RNF43: variants seen among roughly 807,000 people sequenced by gnomAD.
RNF43 encodes the protein ring finger protein 43.
A neutral mutation model predicts 78.4 loss-of-function variants in RNF43; 37 were observed. The observed-to-expected ratio is 0.47, with a 90% CI of 0.36 to 0.62. The LOEUF (loss-of-function observed/expected upper bound fraction) is 0.62. RNF43 is among the 20% of genes least tolerant of loss of function. RNF43 has a pLI of 0.00. For missense variants in RNF43, 774 were observed against 1,007.9 expected (o/e 0.77, Z 3.14); for synonymous variants, 347 against 395.0 (o/e 0.88, Z 1.44).
chr17:58,380,154 G>A (rs1366850955), intron 2 of RNF43, among the ~76,000 whole-genome samples: 1 of 152,164 alleles, frequency 6.6e-6, no homozygotes, highest in African/African-American at 2.4e-5. Context: ...TTAGTTCTGG[G>A]AAGTCAGCTG....
chr17:58,390,150 G>C (rs756517774), intron 2 of RNF43, among the ~76,000 whole-genome samples: 2 of 152,096 alleles, frequency 1.3e-5, no homozygotes, highest in Non-Finnish European at 2.9e-5. Context: ...TGGAAGGTGG[G>C]AACGAGACAA....
intron 2 of RNF43, among the ~76,000 whole-genome samples, chr17:58,403,971 G>A (rs148441980): frequency 6.6e-6 from 1 of 152,308 alleles, no homozygotes; most frequent in African/African-American, 2.4e-5. Context: ...TGAAGTCAGT[G>A]TGCTCTGATC....
chr17:58,415,676 A>G lies in RNF43; in HGVS notation c.-99T>C. The G allele has an allele frequency of 7.2e-7, 1 of 1,387,122 alleles. No homozygotes were observed. The highest frequency in any genetic ancestry group is 9.8e-7 in the Non-Finnish European group (1 of 1,023,670). The allele number at this position is 1,387,122 out of a possible 1,614,324, so 85.9% of individuals were successfully genotyped here. On this transcript the variant is annotated 5_prime_UTR_variant, in exon 2 of 10. The change abolishes an upstream ATG in the 5' untranslated region. Coordinates refer to ENST00000407977, the MANE Select transcript of RNF43 (RefSeq NM_017763.6). ...ATCCAGACAAATGGAGGAAAAGAAC[A>G]TTTATGCTTCCGTTTCAGAAAGCCA...
Position 58,417,517 on chromosome 17 carries a change from A to G in RNF43, c.-886T>C, listed in dbSNP as rs925480617. On this transcript the variant is annotated 5_prime_UTR_variant, in exon 1 of 10. Transcript: ENST00000407977. The stretch of plus-strand genomic sequence containing the variant: ...TCCGAGTGCTTCCTTTCAGAAAGAC[A>G]ATTCTGGATCAACTCCCTAGAGCAG... 1 of 152,210 alleles carries G rather than the reference A, an allele frequency of 6.6e-6. No homozygotes were observed. Among genetic ancestry groups the G allele is most frequent in the Non-Finnish European group, 1.5e-5 (1 of 68,040 alleles). The allele number at this position is 152,210 out of a possible 1,614,324, so 9.4% of individuals were successfully genotyped here. A position where few individuals can be genotyped will look rare whatever the true frequency, so the allele number is the denominator to read the frequency against.
intron 6 of RNF43, among the ~76,000 whole-genome samples, chr17:58,362,034 C>T (rs2143454964): frequency 6.6e-6 from 1 of 151,880 alleles, no homozygotes; most frequent in South Asian, 2.1e-4. Flanking sequence ...TGCAGTGAGC[C>T]GAGATCACGC....
At chr17:58,409,962 A>G (rs2143676307) in intron 2 of RNF43, among the ~76,000 whole-genome samples, 1 of 152,256 alleles carries the variant, frequency 6.6e-6, no homozygotes, top group South Asian at 2.1e-4. Flanking sequence ...ACATATATAC[A>G]TACACACTTT....
intron 2 of RNF43, among the ~76,000 whole-genome samples, chr17:58,396,358 GC>G (rs796413581): frequency 5.9e-5 from 9 of 152,258 alleles, no homozygotes; most frequent in African/African-American, 2.2e-4. Flanking sequence ...GGAGAGATGA[GC>G]ACGCAACCAT....
chr17:58,352,825 T>C (rs1972587774), downstream of RNF43: 1 of 219,576 alleles, frequency 4.6e-6, no homozygotes, highest in African/African-American at 2.2e-5. Context: ...TCTTAGCGCT[T>C]AGACACGGTT....
At chr17:58,373,108 G>A (rs1208557564) in intron 2 of RNF43, among the ~76,000 whole-genome samples, 1 of 152,192 alleles carries the variant, frequency 6.6e-6, no homozygotes, top group Non-Finnish European at 1.5e-5. Flanking sequence ...CCTGAGGAAG[G>A]ACAAATCGCA....
intron 8 of RNF43, among the ~76,000 whole-genome samples, chr17:58,359,699 G>A (rs1170204929): frequency 6.6e-6 from 1 of 151,998 alleles, no homozygotes; most frequent in African/African-American, 2.4e-5. Flanking sequence ...GGCCAAGGTA[G>A]GCAGATCACC....
chr17:58,380,765 G>A (rs1057082665), intron 2 of RNF43, among the ~76,000 whole-genome samples: 3 of 152,298 alleles, frequency 2.0e-5, no homozygotes, highest in African/African-American at 4.8e-5. Flanking sequence ...GCAAGAGTGC[G>A]AAATAGCTTC....
At chr17:58,375,889 AG>A (rs1405410250) in intron 2 of RNF43, among the ~76,000 whole-genome samples, 9 of 152,204 alleles carry the variant, frequency 5.9e-5, no homozygotes, top group Non-Finnish European at 2.9e-5. Flanking sequence ...ATTTGCCAAA[AG>A]CAAATGTTGT....
rs61746279 is a variant in RNF43 at position 58,357,496 on chromosome 17, C to G, written c.2280G>C (p.Pro760=). Residue 760 remains proline (P), a synonymous_variant, in exon 9 of 10, where the codon CCG becomes CCC. Transcript: ENST00000407977. This position sits in a 1 kb window ranked among gnomAD's most constrained non-coding sequence, Gnocchi z 4.5. ...DTAEGRPCPY[P]HCQVLSAQPG... ...GCTGGGCCGACAGCACCTGGCAGTG[C>G]GGATAAGGGCATGGCCTGCCCTCTG... 6.2e-7 allele frequency: 1 copy of G among 1,614,212 alleles called. No homozygotes were observed. Among genetic ancestry groups the G allele is most frequent in the Non-Finnish European group, 8.5e-7 (1 of 1,180,044 alleles).
At chr17:58,414,154 C>T (rs1974080386) in intron 2 of RNF43, among the ~76,000 whole-genome samples, 2 of 152,198 alleles carry the variant, frequency 1.3e-5, no homozygotes, top group Admixed American at 1.3e-4. Context: ...TTCTCCTTCA[C>T]TTCATTTATC....
In RNF43 at chr17:58,357,180, C is replaced by T. The variant is rs1445479099; in HGVS notation, c.2308+288G>A. 8.6e-6 allele frequency: 6 copies of T among 701,524 alleles called. No individual in the cohort carries two copies. In the African/African-American group the frequency reaches 1.0e-4, roughly 12 times the overall value. 43.5% of individuals were successfully genotyped at this position (701,524 alleles called of 1,614,324 possible). A position where few individuals can be genotyped will look rare whatever the true frequency, so the allele number is the denominator to read the frequency against. ...AAGTTCTGGGATTACAGGCATGAGC[C>T]ATCACACCCGGCCTTCCAAGTGCCT... is the stretch of plus-strand genomic sequence containing the variant. On this transcript the variant is annotated intron_variant, in intron 9 of 9. Coordinates refer to ENST00000407977, the MANE Select transcript of RNF43 (RefSeq NM_017763.6). This position sits in a 1 kb window ranked among gnomAD's most constrained non-coding sequence, Gnocchi z 4.5.
At chr17:58,390,241 G>A (rs1375709803) in intron 2 of RNF43, among the ~76,000 whole-genome samples, 1 of 152,170 alleles carries the variant, frequency 6.6e-6, no homozygotes, top group African/African-American at 2.4e-5. Flanking sequence ...AAAGAAAACA[G>A]AAGGCATGAG....
intron 2 of RNF43, among the ~76,000 whole-genome samples, chr17:58,397,668 A>G (rs1337700959): frequency 6.6e-6 from 1 of 152,080 alleles, no homozygotes; most frequent in South Asian, 2.1e-4. Flanking sequence ...CGTCTCAAAA[A>G]AAAAAAAAAA....
Position 58,358,858 on chromosome 17 carries a change from T to G in RNF43, c.953-35A>C. The G allele has an allele frequency of 6.9e-7, 1 of 1,453,642 alleles. No individual in the cohort carries two copies. Among genetic ancestry groups the G allele is most frequent in the Non-Finnish European group, 9.0e-7 (1 of 1,106,296 alleles). The allele number at this position is 1,453,642 out of a possible 1,614,324, so 90.0% of individuals were successfully genotyped here. A position where few individuals can be genotyped will look rare whatever the true frequency, so the allele number is the denominator to read the frequency against. ...AGAACCAAGAGCACAGATGTTTAAC[T>G]CTACAAACCTACAGAGAATGCATTC... On this transcript the variant is annotated intron_variant, in intron 8 of 9. Coordinates refer to ENST00000407977, the MANE Select transcript of RNF43 (RefSeq NM_017763.6). This position sits in a 1 kb window ranked among gnomAD's most constrained non-coding sequence, Gnocchi z 6.2.
At chr17:58,408,699 C>T (rs1203068877) in intron 2 of RNF43, among the ~76,000 whole-genome samples, 1 of 152,156 alleles carries the variant, frequency 6.6e-6, no homozygotes, top group Admixed American at 6.5e-5. Flanking sequence ...TCAAGCCACA[C>T]ACACTCAAAA....
Sources: allele counts gnomAD v4.1 joint callset (sites outside exome capture counted in the v4.1 genomes callset), GRCh38; gene constraint gnomAD v4.1.1; non-coding constraint Gnocchi (gnomAD v3.1); transcripts MANE v1.5; gene names NCBI Gene and HGNC (gene_info 2026-07-23, HGNC 2026-07-21).